YIPF1: variants seen among roughly 807,000 people sequenced by gnomAD.
The protein encoded by YIPF1 is protein YIPF1.
In YIPF1, 22 loss-of-function variants were observed where a neutral mutation model predicts 37.0. The observed-to-expected ratio is 0.59, with a 90% CI of 0.42 to 0.85. YIPF1 has a LOEUF of 0.85. Ranked by LOEUF, YIPF1 falls within the 40% of genes least tolerant of loss-of-function variation. The pLI, the probability that YIPF1 is intolerant of heterozygous loss-of-function variation, is 0.00. For synonymous variants in YIPF1, 128 were observed against 131.9 expected, an observed-to-expected ratio of 0.97 and a Z score of 0.21; for missense variants, 355 against 373.1, an observed-to-expected ratio of 0.95 and a Z score of 0.40.
At chr1:53,888,151 G>A (rs536290746) in intron 3 of YIPF1, among the ~76,000 whole-genome samples, 14 of 152,260 alleles carry the variant, frequency 9.2e-5, no homozygotes, top group South Asian at 2.1e-4. Context: ...GTCTGAACCC[G>A]GGAGGCAGAG....
intron 9 of YIPF1, among the ~76,000 whole-genome samples, chr1:53,863,613 CT>C (rs1449078018): frequency 2.0e-5 from 3 of 152,208 alleles, no homozygotes; most frequent in Admixed American, 6.5e-5. Flanking sequence ...CAGAATTACG[CT>C]CTTTTAGAAA....
At chr1:53,888,373 A>C (rs1470512477) in intron 3 of YIPF1, among the ~76,000 whole-genome samples, 1 of 152,236 alleles carries the variant, frequency 6.6e-6, no homozygotes, top group Non-Finnish European at 1.5e-5. Flanking sequence ...TAATAAATAC[A>C]TGTCCCCCTC....
At chr1:53,854,568 AC>A (rs1649674572) in intron 10 of YIPF1, among the ~76,000 whole-genome samples, 1 of 152,138 alleles carries the variant, frequency 6.6e-6, no homozygotes. Flanking sequence ...TTCCAATGTC[AC>A]CACAGTCTGA....
At chr1:53,885,130 G>A (rs1391533583) in intron 3 of YIPF1, among the ~76,000 whole-genome samples, 1 of 152,140 alleles carries the variant, frequency 6.6e-6, no homozygotes, top group Non-Finnish European at 1.5e-5. Context: ...ATGGCTCTGA[G>A]TCTCTGTTTC....
At chr1:53,877,982 A>G (rs984099201) in intron 6 of YIPF1, among the ~76,000 whole-genome samples, 2 of 152,144 alleles carry the variant, frequency 1.3e-5, no homozygotes, top group Non-Finnish European at 2.9e-5. Flanking sequence ...GGGTCTTGCT[A>G]TGTTGCCCAG....
intron 6 of YIPF1, among the ~76,000 whole-genome samples, chr1:53,876,445 C>T (rs1204987624): frequency 6.6e-6 from 1 of 152,160 alleles, no homozygotes; most frequent in East Asian, 1.9e-4. Context: ...TAACCTCCAC[C>T]CACAACAAAA....
intron 3 of YIPF1, 101 bp downstream of exon 3, chr1:53,888,803 AAAT>A (rs1650724823): frequency 8.6e-7 from 1 of 1,156,432 alleles, no homozygotes; most frequent in African/African-American, 1.5e-5. Context: ...AAGATGTTTG[AAAT>A]AATATCCTTC....
chr1:53,866,092 G>A, intron 9 of YIPF1, 108 bp downstream of exon 9: 2 of 1,402,532 alleles, frequency 1.4e-6, no homozygotes, highest in Non-Finnish European at 1.9e-6. Context: ...GAGCCAACAT[G>A]CCCAGCCCAT....
At position 53,860,166 on chromosome 1, in the gene YIPF1, A is replaced by G; in HGVS notation, c.832-13T>C. 6.2e-7 allele frequency: 1 copy of G among 1,613,860 alleles called. No homozygotes were observed. The highest frequency in any genetic ancestry group is 1.6e-4 in the Middle Eastern group (1 of 6,062). On this transcript the variant is annotated splice_polypyrimidine_tract_variant and intron_variant, in intron 9 of 10. Coordinates refer to ENST00000072644, the MANE Select transcript of YIPF1 (RefSeq NM_018982.5). ...CAAAAAAGTATGCCTGTGGGGAAAA[A>G]AAGACCCAGGAGGGAGTTAAAAAGA...
intron 6 of YIPF1, among the ~76,000 whole-genome samples, chr1:53,873,637 C>G (rs1650251310): frequency 6.6e-6 from 1 of 151,396 alleles, no homozygotes; most frequent in African/African-American, 2.4e-5. Flanking sequence ...ATGATCATGC[C>G]TCTGAATAGC....
rs1293035411 is a variant in YIPF1, at chr1:53,871,439, C to T, written c.414G>A (p.Gly138=). The T allele has an allele frequency of 1.2e-6, 2 of 1,613,960 alleles. No individual in the cohort carries two copies. The highest frequency in any genetic ancestry group is 1.7e-6 in the Non-Finnish European group (2 of 1,179,976). ...ATLVFAIAIS[G]NLSNFLIHLG... Reference sequence around the variant, plus strand: ...GATGGATCAAGAAGTTGGAAAGATTCCCACTAATTGCTATGGCAAAGACCA... The same window carrying T: ...GATGGATCAAGAAGTTGGAAAGATTTCCACTAATTGCTATGGCAAAGACCA... The change falls in exon 7 of 11, where the codon GGG becomes GGA. Residue 138 remains glycine, a synonymous_variant. Transcript: ENST00000072644.
intron 9 of YIPF1, among the ~76,000 whole-genome samples, chr1:53,860,920 C>T (rs1649854136): frequency 6.6e-6 from 1 of 152,220 alleles, no homozygotes; most frequent in Non-Finnish European, 1.5e-5. Context: ...CCCTTGAATA[C>T]TGGTTGTTCA....
intron 7 of YIPF1, among the ~76,000 whole-genome samples, chr1:53,869,708 C>G (rs1650126091): frequency 6.6e-6 from 1 of 152,146 alleles, no homozygotes; most frequent in African/African-American, 2.4e-5. Context: ...CTGTCATCTG[C>G]AAGTCTCTAA....
chr1:53,883,351 A>G (rs1650556282), intron 3 of YIPF1, 75 bp from the exon 4 acceptor site: 10 of 1,416,396 alleles, frequency 7.1e-6, no homozygotes, highest in Non-Finnish European at 9.2e-6. Context: ...ATTTAAAGAC[A>G]AGCTGTCACA....
chr1:53,859,906 C>T (rs921544624), intron 10 of YIPF1, 150 bp downstream of exon 10: 1 of 661,656 alleles, frequency 1.5e-6, no homozygotes, highest in Non-Finnish European at 2.5e-6. Flanking sequence ...AACACAGAAA[C>T]ACAGACATGC....
At chr1:53,857,388 G>A (rs1402737517) in intron 10 of YIPF1, among the ~76,000 whole-genome samples, 1 of 152,210 alleles carries the variant, frequency 6.6e-6, no homozygotes, top group Non-Finnish European at 1.5e-5. Context: ...TGCAATCAAA[G>A]GAGTGTGGAG....
intron 10 of YIPF1, among the ~76,000 whole-genome samples, chr1:53,855,924 G>C (rs1295404002): frequency 6.6e-6 from 1 of 152,166 alleles, no homozygotes; most frequent in Non-Finnish European, 1.5e-5. Flanking sequence ...GCTCTCCTGG[G>C]AATGCGCTCT....
At chr1:53,877,808 A>G (rs1650370746) in intron 6 of YIPF1, among the ~76,000 whole-genome samples, 1 of 152,196 alleles carries the variant, frequency 6.6e-6, no homozygotes, top group African/African-American at 2.4e-5. Flanking sequence ...AATTTTTAAA[A>G]ATCATTCTTT....
intron 10 of YIPF1, among the ~76,000 whole-genome samples, chr1:53,856,891 T>C (rs1428569255): frequency 2.0e-5 from 3 of 152,182 alleles, no homozygotes; most frequent in African/African-American, 7.2e-5. Flanking sequence ...CCCTAGAAGG[T>C]AGGCAAGACC....
Sources: allele counts gnomAD v4.1 joint callset (sites outside exome capture counted in the v4.1 genomes callset), GRCh38; gene constraint gnomAD v4.1.1; transcripts MANE v1.5; gene names NCBI Gene and HGNC (gene_info 2026-07-23, HGNC 2026-07-21).